The following FAM167A variants were observed in gnomAD, a reference collection of about 807,000 sequenced individuals.
FAM167A encodes the protein family with sequence similarity 167 member A.
A neutral mutation model predicts 14.9 loss-of-function variants in FAM167A; 23 were observed. The ratio of observed to expected loss-of-function variants is 1.55; its 90% CI spans 1.11 to 2.19. The LOEUF (loss-of-function observed/expected upper bound fraction) is 2.19. Among genes scored for constraint, FAM167A ranks in the 30% most tolerant of loss-of-function variants. The pLI, the probability that FAM167A is intolerant of heterozygous loss-of-function variation, is 0.00. For synonymous variants in FAM167A, 174 were observed against 117.7 expected (o/e 1.48, Z -3.10); for missense variants, 401 against 281.5 (o/e 1.42, Z -3.04).
At chr8:11,438,377 A>G (rs1165866405) in intron 2 of FAM167A, 1 of 448,954 alleles carries the variant, frequency 2.2e-6, no homozygotes, top group Non-Finnish European at 4.5e-6. Context: ...GGGAGATTGA[A>G]GGCCTTACTT....
chr8:11,434,240 C>G (rs1334145017), intron 2 of FAM167A: 2 of 152,226 alleles, frequency 1.3e-5, no homozygotes, highest in African/African-American at 4.8e-5. Context: ...AGCTGACTCT[C>G]CTGGCGAGCC....
chr8:11,441,354 C>T (rs145614471), intron 2 of FAM167A, among the ~76,000 whole-genome samples: 3 of 152,208 alleles, frequency 2.0e-5, no homozygotes, highest in East Asian at 1.9e-4. Flanking sequence ...CAGGGACTAA[C>T]AGAATAGTGT....
chr8:11,440,080 C>G (rs1448534222), intron 2 of FAM167A, among the ~76,000 whole-genome samples: 1 of 152,206 alleles, frequency 6.6e-6, no homozygotes, highest in African/African-American at 2.4e-5. Context: ...AAGGTGAAAC[C>G]TGGGGGCTGT....
At chr8:11,463,704 A>AG (rs2117153376) in intron 1 of FAM167A, among the ~76,000 whole-genome samples, 2 of 152,306 alleles carry the variant, frequency 1.3e-5, no homozygotes, top group African/African-American at 4.8e-5. Context: ...TTGGATCAGG[A>AG]TGCCCTGGAG....
At chr8:11,453,861 C>T (rs573109918) in intron 1 of FAM167A, among the ~76,000 whole-genome samples, 1 of 152,202 alleles carries the variant, frequency 6.6e-6, no homozygotes, top group East Asian at 1.9e-4. Context: ...GTCTTCTTAC[C>T]CCATCATGCA....
chr8:11,435,428 C>A (rs1391922234), intron 2 of FAM167A, among the ~76,000 whole-genome samples: 1 of 152,276 alleles, frequency 6.6e-6, no homozygotes, highest in Non-Finnish European at 1.5e-5. Context: ...GTGCCTAGGG[C>A]ATGCTCTGGT....
chr8:11,425,510 A>G (rs1296827450), intron 2 of FAM167A, among the ~76,000 whole-genome samples: 1 of 152,214 alleles, frequency 6.6e-6, no homozygotes, highest in African/African-American at 2.4e-5. Context: ...TAATATTTTT[A>G]GTGGCTTGAT....
rs192811206 is a variant in FAM167A, at chr8:11,452,815, C to T, written c.-397-8007G>A. On this transcript the variant is annotated intron_variant, in intron 1 of 2. Transcript: ENST00000284486. ...GCTGGGGGAATGTGCAGGCACGTTC[C>T]CCAGTGCCAGCACGGGCTGAGCAAT... 1.8e-4 allele frequency among the ~76,000 whole-genome samples: 28 copies of T among 152,310 alleles called. 1 individual carries two copies. Among genetic ancestry groups the T allele is most frequent in the African/African-American group, 5.8e-4 (24 of 41,566 alleles).
At chr8:11,445,000 A>G in intron 1 of FAM167A, 192 bp from the exon 2 acceptor site, 1 of 677,414 alleles carries the variant, frequency 1.5e-6, no homozygotes, top group Non-Finnish European at 1.8e-6. Flanking sequence ...TGAGCAATTG[A>G]AAAATTGTGC....
intron 1 of FAM167A, among the ~76,000 whole-genome samples, chr8:11,458,791 A>G (rs2117140064): frequency 6.6e-6 from 1 of 152,254 alleles, no homozygotes; most frequent in South Asian, 2.1e-4. Flanking sequence ...AAGGGAAAAA[A>G]AAAACAGAAA....
Position 11,424,259 on chromosome 8 carries a change from C to T in FAM167A, c.*114G>A. 6.9e-7 allele frequency: 1 copy of T among 1,450,540 alleles called. No individual in the cohort carries two copies. Among genetic ancestry groups the T allele is most frequent in the African/African-American group, 1.4e-5 (1 of 71,162 alleles). The allele number at this position is 1,450,540 out of a possible 1,614,324, so 89.9% of individuals were successfully genotyped here. On this transcript the variant is annotated 3_prime_UTR_variant, in exon 3 of 3. Transcript: ENST00000284486. ...GTCCTGGGGCCCTTGAGTCGCCAGT[C>T]CCAGGGACCCCTGCCTCCGGGAGAC...
At chr8:11,427,836 T>A (rs573138196) in intron 2 of FAM167A, among the ~76,000 whole-genome samples, 8 of 152,318 alleles carry the variant, frequency 5.3e-5, no homozygotes, top group African/African-American at 1.9e-4. Flanking sequence ...CCTCAAGCAT[T>A]GAAGAAACTC....
chr8:11,457,731 G>A (rs745603282), intron 1 of FAM167A, among the ~76,000 whole-genome samples: 70 of 152,268 alleles, frequency 4.6e-4, no homozygotes, highest in Non-Finnish European at 7.6e-4. Flanking sequence ...CCTCACTGGC[G>A]AGCTAGGCCC....
intron 1 of FAM167A, among the ~76,000 whole-genome samples, chr8:11,453,410 A>G (rs961103359): frequency 6.6e-6 from 1 of 152,250 alleles, no homozygotes; most frequent in African/African-American, 2.4e-5. Context: ...AGGCACTATA[A>G]GGAGATAGCA....
intron 2 of FAM167A, among the ~76,000 whole-genome samples, chr8:11,442,401 C>T (rs1027409707): frequency 2.6e-5 from 4 of 152,136 alleles, no homozygotes; most frequent in African/African-American, 9.7e-5. Context: ...GGTTACGGTA[C>T]ACGCCAGAGT....
At chr8:11,472,411 G>C (rs947297657), upstream of FAM167A, among the ~76,000 whole-genome samples, 1 of 131,170 alleles carries the variant, frequency 7.6e-6, no homozygotes, top group Non-Finnish European at 1.7e-5. Flanking sequence ...ATTTGTTTTT[G>C]TTTTGTTTTG....
chr8:11,438,151 G>C (rs999049077), intron 2 of FAM167A: 4 of 456,486 alleles, frequency 8.8e-6, no homozygotes, highest in Non-Finnish European at 1.3e-5. Flanking sequence ...ACATGGGGCT[G>C]GATGAAAAGA....
chr8:11,455,893 G>A (rs1472816374), intron 1 of FAM167A, among the ~76,000 whole-genome samples: 1 of 136,510 alleles, frequency 7.3e-6, no homozygotes, highest in Non-Finnish European at 1.6e-5. Flanking sequence ...TTGCCTTGCA[G>A]AGTGTGAGTG....
At chr8:11,430,265 T>C (rs1805486639) in intron 2 of FAM167A, among the ~76,000 whole-genome samples, 1 of 152,172 alleles carries the variant, frequency 6.6e-6, no homozygotes, top group Admixed American at 6.5e-5. Flanking sequence ...AGAGATGTCA[T>C]TGGTCGGGGG....
Sources: allele counts gnomAD v4.1 joint callset (sites outside exome capture counted in the v4.1 genomes callset), GRCh38; gene constraint gnomAD v4.1.1; transcripts MANE v1.5; gene names NCBI Gene and HGNC (gene_info 2026-07-23, HGNC 2026-07-21).